PRELID3A: variants seen among roughly 807,000 people sequenced by gnomAD.
The protein encoded by PRELID3A is PRELI domain containing 3A.
Under a neutral mutation model 23.0 loss-of-function variants are expected in PRELID3A, and 27 were observed. The ratio of observed to expected loss-of-function variants is 1.17; its 90% CI spans 0.87 to 1.62. The LOEUF (loss-of-function observed/expected upper bound fraction) is 1.62, where lower values mean the gene tolerates loss of function less well. Ranked by LOEUF, PRELID3A falls within the 40% of genes most tolerant of loss-of-function variation. The probability of loss-of-function intolerance (pLI) is 0.00; values close to 1 mark genes in which losing one functional copy is unlikely to be tolerated. For missense variants in PRELID3A, 231 were observed against 231.4 expected (o/e 1.00, Z 0.01); for synonymous variants, 87 against 86.4 (o/e 1.01, Z -0.04).
At chr18:12,413,543 G>A (rs1286821611) in intron 1 of PRELID3A, among the ~76,000 whole-genome samples, 2 of 152,142 alleles carry the variant, frequency 1.3e-5, no homozygotes, top group African/African-American at 4.8e-5. Flanking sequence ...CCAGCTCCTG[G>A]TAGCAGATAC....
In PRELID3A at chr18:12,431,974, G is replaced by A. The variant is rs577811450; in HGVS notation, c.*858G>A. 1.2e-4 allele frequency: 19 copies of A among 152,282 alleles called. No homozygotes were observed. Among genetic ancestry groups the A allele is most frequent in the African/African-American group, 4.3e-4 (18 of 41,570 alleles). The allele number at this position is 152,282 out of a possible 1,614,324, so 9.4% of individuals were successfully genotyped here. On this transcript the variant is annotated 3_prime_UTR_variant, in exon 7 of 7. Transcript: ENST00000440960. ...GTTTTGTGAGTGTTTGAGGGACAAC[G>A]ACCAAAGGTCTTTTCCCCACCATCT...
chr18:12,426,364 C>A (rs577798499), intron 3 of PRELID3A, among the ~76,000 whole-genome samples: 2 of 150,674 alleles, frequency 1.3e-5, no homozygotes, highest in South Asian at 2.1e-4. Flanking sequence ...ACCATCCTGG[C>A]TAACACGGTG....
chr18:12,411,535 C>T (rs1909912966), intron 1 of PRELID3A, among the ~76,000 whole-genome samples: 1 of 151,920 alleles, frequency 6.6e-6, no homozygotes, highest in African/African-American at 2.4e-5. Flanking sequence ...TCAGGCAGAC[C>T]TATGACAAAA....
At chr18:12,413,077 T>C (rs1389364372) in intron 1 of PRELID3A, among the ~76,000 whole-genome samples, 4 of 152,198 alleles carry the variant, frequency 2.6e-5, no homozygotes, top group Admixed American at 1.3e-4. Context: ...GGTGGGAGCA[T>C]CTTAGTAGTC....
In PRELID3A at chr18:12,420,399, T is replaced by A; in HGVS notation, c.107T>A (p.Val36Glu). Reference protein sequence around the residue: ...PNPMNPSVLGVDVLQRRVDGR... With the variant: ...PNPMNPSVLGEDVLQRRVDGR... The stretch of plus-strand genomic sequence containing the variant: ...CCGATGAACCCGAGCGTGCTGGGCG[T>A]GGATGTGCTACAGCGCCGCGTGGAC... The change falls in exon 2 of 7, where the codon GTG becomes GAG. Residue 36 changes from valine (V) to glutamate (E), a missense_variant. Coordinates refer to ENST00000440960, the MANE Select transcript of PRELID3A (RefSeq NM_001142405.2). The A allele has an allele frequency of 6.2e-7, 1 of 1,608,762 alleles. No homozygotes were observed. Among genetic ancestry groups the A allele is most frequent in the Admixed American group, 1.7e-5 (1 of 59,540 alleles).
At chr18:12,411,303 A>T (rs191377686) in intron 1 of PRELID3A, among the ~76,000 whole-genome samples, 2 of 128,178 alleles carry the variant, frequency 1.6e-5, no homozygotes, top group Non-Finnish European at 3.4e-5. Context: ...CTAAAAAATA[A>T]AAAAAAAAAA....
intron 1 of PRELID3A, among the ~76,000 whole-genome samples, chr18:12,416,647 C>CT (rs33927481): frequency 0.022 from 2,893 of 133,156 alleles, 49 homozygotes; most frequent in Middle Eastern, 0.066. Context: ...TTCTTTCTTT[C>CT]TTTTTTTTTT....
intron 1 of PRELID3A, among the ~76,000 whole-genome samples, chr18:12,414,973 G>A (rs2029899308): frequency 6.6e-6 from 1 of 151,990 alleles, no homozygotes; most frequent in Non-Finnish European, 1.5e-5. Flanking sequence ...CTGTTGCCCA[G>A]GCTGGAGTGC....
intron 5 of PRELID3A, 86 bp downstream of exon 5, chr18:12,427,409 C>A: frequency 9.2e-7 from 1 of 1,085,088 alleles, no homozygotes; most frequent in Non-Finnish European, 1.4e-6. Context: ...TCTCATCAGT[C>A]TTCCTGGCTG....
chr18:12,427,196 C>T (rs752713520), intron 4 of PRELID3A, 25 bp from the exon 5 acceptor site: 5 of 1,610,820 alleles, frequency 3.1e-6, no homozygotes, highest in South Asian at 2.2e-5. Flanking sequence ...GCTGGTCAGC[C>T]CCTTTTCTTC....
In PRELID3A at chr18:12,411,121, G is replaced by A. The variant is rs140009900; in HGVS notation, c.32+3114G>A. On this transcript the variant is annotated intron_variant, in intron 1 of 6. Coordinates refer to ENST00000440960, the MANE Select transcript of PRELID3A (RefSeq NM_001142405.2). ...ACACTCAGACAAAAACAGAGAGCCC[G>A]GGGAAAGGCCACTGAATTAACGTGT... Among the ~76,000 whole-genome samples the A allele has an allele frequency of 1.9e-3, 288 of 152,148 alleles. 2 individuals carry two copies. The highest frequency in any genetic ancestry group is 7.7e-3 in the South Asian group (37 of 4,822).
Position 12,426,336 on chromosome 18 carries a change from C to T in PRELID3A, c.292-705C>T, listed in dbSNP as rs188734643. On this transcript the variant is annotated intron_variant, in intron 3 of 6. Coordinates refer to ENST00000440960, the MANE Select transcript of PRELID3A (RefSeq NM_001142405.2). ...TTGGGAGGCCAAGGCGGGCGGATCACGAGGTCAGGAGATCGAGACCATCCT... is the reference window on the plus strand; with the variant it reads ...TTGGGAGGCCAAGGCGGGCGGATCATGAGGTCAGGAGATCGAGACCATCCT... Among the ~76,000 whole-genome samples the T allele has an allele frequency of 1.6e-3, 235 of 151,234 alleles. 2 individuals are homozygous for T. Among genetic ancestry groups the T allele is most frequent in the African/African-American group, 4.6e-3 (190 of 41,224 alleles).
intron 3 of PRELID3A, among the ~76,000 whole-genome samples, chr18:12,424,541 G>A (rs969375443): frequency 3.9e-5 from 6 of 152,162 alleles, no homozygotes; most frequent in Admixed American, 2.0e-4. Flanking sequence ...TGAATGTAAC[G>A]CCCATACACG....
rs1488251904 is a variant in PRELID3A at position 12,430,516 on chromosome 18, CGTGTGTGGGGT to C, written c.*34-626_*34-616del. Among the ~76,000 whole-genome samples, 400 of 131,410 alleles carry C rather than the reference CGTGTGTGGGGT, an allele frequency of 3.0e-3. 3 individuals are homozygous for C. The highest frequency in any genetic ancestry group is 0.011 in the African/African-American group (388 of 34,270). 86.2% of individuals were successfully genotyped at this position (131,410 alleles called of 152,430 possible). A position where few individuals can be genotyped will look rare whatever the true frequency, so the allele number is the denominator to read the frequency against. Reference sequence around the variant, plus strand: ...GGTGTGTATGCTGGTGTGTGATGTGCGTGTGTGGGGTGTGTGTGATGTGTATATGTGTGTGG... The same window carrying C: ...GGTGTGTATGCTGGTGTGTGATGTGCGTGTGTGATGTGTATATGTGTGTGG... On this transcript the variant is annotated intron_variant, in intron 6 of 6. Transcript: ENST00000440960.
chr18:12,429,641 C>T (rs1046082171), intron 6 of PRELID3A, among the ~76,000 whole-genome samples: 1 of 152,230 alleles, frequency 6.6e-6, no homozygotes, highest in African/African-American at 2.4e-5. Flanking sequence ...GATTTAGATT[C>T]CGAGGAAGCT....
intron 3 of PRELID3A, among the ~76,000 whole-genome samples, chr18:12,422,805 T>C (rs2030231833): frequency 6.6e-6 from 1 of 152,260 alleles, no homozygotes; most frequent in African/African-American, 2.4e-5. Flanking sequence ...AAATAATCCT[T>C]ATTTTCAGCA....
chr18:12,411,792 C>G (rs183104030), intron 1 of PRELID3A, among the ~76,000 whole-genome samples: 1 of 152,230 alleles, frequency 6.6e-6, no homozygotes, highest in Admixed American at 6.5e-5. Context: ...CTGTGTCTCC[C>G]TCCCTGCAGG....
At chr18:12,421,662 A>G in intron 3 of PRELID3A, 33 bp downstream of exon 3, 2 of 1,454,738 alleles carry the variant, frequency 1.4e-6, no homozygotes, top group Non-Finnish European at 1.9e-6. Flanking sequence ...AAACGGGCTC[A>G]GTGTGTCTGG....
In PRELID3A at chr18:12,418,194, T is replaced by C. The variant is rs547709988; in HGVS notation, c.33-2131T>C. 7.9e-4 allele frequency among the ~76,000 whole-genome samples: 120 copies of C among 152,356 alleles called. 1 individual carries two copies. Among genetic ancestry groups the C allele is most frequent in the South Asian group, 1.7e-3 (8 of 4,830 alleles). ...AAATTTCATTTCTACAACTTTATCC[T>C]AAGGAAGAATTAGATATGTTGAAAG... On this transcript the variant is annotated intron_variant, in intron 1 of 6. Transcript: ENST00000440960.
Sources: gnomAD v4.1 joint callset for allele counts (sites outside exome capture counted in the v4.1 genomes callset) on GRCh38, gnomAD v4.1.1 for gene constraint, MANE v1.5 for transcripts, NCBI Gene and HGNC (gene_info 2026-07-23, HGNC 2026-07-21) for gene names.